The following SUN2 variants were observed in gnomAD, a reference collection of about 807,000 sequenced individuals.
The protein encoded by SUN2 is Sad1 and UNC84 domain containing 2, also known as SUN domain-containing protein 2.
Under a neutral mutation model 100.0 loss-of-function variants are expected in SUN2, and 60 were observed. That is an observed-to-expected ratio of 0.60 (90% CI 0.49 to 0.74). The LOEUF is 0.74. Among genes scored for constraint, SUN2 ranks in the 30% least tolerant of loss-of-function variants. The pLI is 0.00. For synonymous variants in SUN2, 367 were observed against 403.3 expected, an observed-to-expected ratio of 0.91 and a Z score of 1.08; for missense variants, 834 against 954.6, an observed-to-expected ratio of 0.87 and a Z score of 1.66.
In SUN2 at chr22:38,745,620, C is replaced by T; in HGVS notation, c.813+64G>A. ...GTGTGAGGCAGGCTGAGGGCGCACC[C>T]ACCACTTTCACCGTCACCTAATTAT... is the stretch of plus-strand genomic sequence containing the variant. On this transcript the variant is annotated intron_variant, in intron 8 of 17. Transcript: ENST00000689035. 3 of 1,593,032 alleles carry T rather than the reference C, an allele frequency of 1.9e-6. No individual in the cohort carries two copies. The Admixed American group carries it at 5.0e-5, about 27-fold the overall frequency.
In SUN2 at chr22:38,739,274, G is replaced by A. The variant is rs1569295492; in HGVS notation, c.1663+68C>T. ...CTTGCTCTGCCCCACCACCAACCTG[G>A]TAGATGCCAGGGGACCGGCCATTGC... is the stretch of plus-strand genomic sequence containing the variant. On this transcript the variant is annotated intron_variant, in intron 14 of 17. Coordinates refer to ENST00000689035, the MANE Select transcript of SUN2 (RefSeq NM_015374.3). The surrounding 1 kb of genome is among the most constrained non-coding windows in gnomAD (Gnocchi z 6.7). 3.2e-6 allele frequency: 5 copies of A among 1,538,474 alleles called. No individual in the cohort carries two copies. Among genetic ancestry groups the A allele is most frequent in the Non-Finnish European group, 4.5e-6 (5 of 1,112,510 alleles).
At chr22:38,745,529 T>C (rs2092896908) in intron 8 of SUN2, among the ~76,000 whole-genome samples, 155 bp downstream of exon 8, 1 of 152,220 alleles carries the variant, frequency 6.6e-6, no homozygotes, top group East Asian at 1.9e-4. Flanking sequence ...GTTGGATTCC[T>C]TTTCTTTCTG....
At chr22:38,746,332 G>A (rs1176389220) in intron 7 of SUN2, among the ~76,000 whole-genome samples, 2 of 152,144 alleles carry the variant, frequency 1.3e-5, no homozygotes, top group African/African-American at 2.4e-5. Flanking sequence ...GAGGCTGCTC[G>A]AGGCCCAGAC....
rs1249282942 is a variant in SUN2 at position 38,755,821 on chromosome 22, G to A, written c.-96C>T. ...GCGTCCGAGGCCAGGCCGCCGCCGG[G>A]GCGCGCCCCCTTTCCGCGTGGGGAT... On this transcript the variant is annotated 5_prime_UTR_variant, in exon 1 of 18. Coordinates refer to ENST00000689035, the MANE Select transcript of SUN2 (RefSeq NM_015374.3). This position sits in a 1 kb window ranked among gnomAD's most constrained non-coding sequence, Gnocchi z 5.7. 1 of 983,490 alleles carries A rather than the reference G, an allele frequency of 1.0e-6. No individual in the cohort carries two copies. Among genetic ancestry groups the A allele is most frequent in the Non-Finnish European group, 1.2e-6 (1 of 829,288 alleles). 60.9% of individuals were successfully genotyped at this position (983,490 alleles called of 1,614,324 possible). A position where few individuals can be genotyped will look rare whatever the true frequency, so the allele number is the denominator to read the frequency against.
In SUN2 at chr22:38,755,881, G is replaced by A; in HGVS notation, c.-156C>T. ...GGCGCTCCGCTCAGGGCGACACAGC[G>A]GCCGGGCCCGGGGCGCGCGGGCACG... On this transcript the variant is annotated 5_prime_UTR_variant, in exon 1 of 18. Transcript: ENST00000689035. The surrounding 1 kb of genome is among the most constrained non-coding windows in gnomAD (Gnocchi z 5.7). The A allele has an allele frequency of 1.0e-6, 1 of 982,224 alleles. No individual in the cohort carries two copies. The highest frequency in any genetic ancestry group is 1.8e-5 in the African/African-American group (1 of 56,976). The allele number at this position is 982,224 out of a possible 1,614,324, so 60.8% of individuals were successfully genotyped here.
At chr22:38,752,801 G>A (rs943659395) in intron 1 of SUN2, 136 bp from the exon 2 acceptor site, 2 of 975,164 alleles carry the variant, frequency 2.1e-6, no homozygotes, top group African/African-American at 1.7e-5. Context: ...CCGGCGTTCA[G>A]TCTAAACAGC....
In SUN2 at chr22:38,739,819, G is replaced by A; in HGVS notation, c.1481C>T (p.Thr494Ile). 1 of 1,613,624 alleles carries A rather than the reference G, an allele frequency of 6.2e-7. No homozygotes were observed. The highest frequency in any genetic ancestry group is 1.1e-5 in the South Asian group (1 of 91,088). Residue 494 changes from threonine (T) to isoleucine (I), a missense_variant, in exon 13 of 18, where the codon ACC becomes ATC. By Grantham distance (89) the Thr-to-Ile change is moderately conservative. Coordinates refer to ENST00000689035, the MANE Select transcript of SUN2 (RefSeq NM_015374.3). The surrounding 1 kb of genome is among the most constrained non-coding windows in gnomAD (Gnocchi z 6.7). ...CTTGCCCTGCATCTCTGCCACATGG[G>A]TGAGGATCTTGCTCTCCAGCTCTCG... ...QLRELESKIL[T>I]HVAEMQGKSA...
At chr22:38,752,396 A>T in intron 2 of SUN2, 111 bp downstream of exon 2, 1 of 1,397,814 alleles carries the variant, frequency 7.2e-7, no homozygotes, top group Non-Finnish European at 9.7e-7. Flanking sequence ...TTCGATTTCC[A>T]CCCAAGGTTG....
rs1432363592 is a variant in SUN2, at chr22:38,742,275, CCACCCTGAGGTATT to C, written c.1068+12_1068+25del. 21 of 1,567,548 alleles carry C rather than the reference CCACCCTGAGGTATT, an allele frequency of 1.3e-5. No homozygotes were observed. In the African/African-American group the frequency reaches 2.4e-4, roughly 18 times the overall value. On this transcript the variant is annotated intron_variant, in intron 9 of 17. Transcript: ENST00000689035. The stretch of plus-strand genomic sequence containing the variant: ...CTTTCCTATGGGTGTCACCCACCTC[CCACCCTGAGGTATT>C]CCACCTCCTACCTGGATGCGAGCAG...
chr22:38,749,799 G>A lies in SUN2; in HGVS notation c.581C>T (p.Ala194Val). Residue 194 changes from alanine to valine, a missense_variant, in exon 6 of 18, where the codon GCT becomes GTT. By Grantham distance (64) the Ala-to-Val change is moderately conservative. This residue lies in a region of SUN2 where 559 missense variants were observed against 597.7 expected (regional missense o/e 0.94). Coordinates refer to ENST00000689035, the MANE Select transcript of SUN2 (RefSeq NM_015374.3). ...AACGAAGACGTCAAGGAGGGAGGCAGCTGTGGTCAGGCGGTACCAGGTGGT... is the reference window on the plus strand; with the variant it reads ...AACGAAGACGTCAAGGAGGGAGGCAACTGTGGTCAGGCGGTACCAGGTGGT... Reference protein sequence around the residue: ...AGTTWYRLTTAASLLDVFVLT... With the variant: ...AGTTWYRLTTVASLLDVFVLT... The A allele has an allele frequency of 6.2e-7, 1 of 1,614,160 alleles. No individual in the cohort carries two copies. Among genetic ancestry groups the A allele is most frequent in the Non-Finnish European group, 8.5e-7 (1 of 1,180,036 alleles).
In SUN2 at chr22:38,738,122, G is replaced by A. The variant is rs1311666310; in HGVS notation, c.2040+51C>T. 2 of 1,529,944 alleles carry A rather than the reference G, an allele frequency of 1.3e-6. No homozygotes were observed. Among genetic ancestry groups the A allele is most frequent in the East Asian group, 4.5e-5 (2 of 44,420 alleles). The allele number at this position is 1,529,944 out of a possible 1,614,324, so 94.8% of individuals were successfully genotyped here. On this transcript the variant is annotated intron_variant, in intron 17 of 17. Transcript: ENST00000689035. This position sits in a 1 kb window ranked among gnomAD's most constrained non-coding sequence, Gnocchi z 6.6. ...GGTAAGTGCCCAGGGAGCACCTGCT[G>A]CCTGGATGGGGAGTCTGCGCCACTT...
rs1190663213 is a variant in SUN2 at position 38,737,497 on chromosome 22, C to A, written c.2040+676G>T. Among the ~76,000 whole-genome samples, 2 of 152,136 alleles carry A rather than the reference C, an allele frequency of 1.3e-5. No homozygotes were observed. Among genetic ancestry groups the A allele is most frequent in the African/African-American group, 2.4e-5 (1 of 41,436 alleles). On this transcript the variant is annotated intron_variant, in intron 17 of 17. Coordinates refer to ENST00000689035, the MANE Select transcript of SUN2 (RefSeq NM_015374.3). This position sits in a 1 kb window ranked among gnomAD's most constrained non-coding sequence, Gnocchi z 4.1. Reference sequence around the variant, plus strand: ...CTTCGAGTCATATAGTGATGTTAGTCAAATGGACATAGCTTTGTCACCTGA... The same window carrying A: ...CTTCGAGTCATATAGTGATGTTAGTAAAATGGACATAGCTTTGTCACCTGA...
intron 6 of SUN2, 104 bp from the exon 7 acceptor site, chr22:38,748,887 T>C (rs2092923612): frequency 6.8e-6 from 8 of 1,169,704 alleles, no homozygotes; most frequent in Non-Finnish European, 1.0e-5. Flanking sequence ...TCCTGGGTGC[T>C]GAACTAGAGC....
In SUN2 at chr22:38,737,078, C is replaced by T. The variant is rs949678836; in HGVS notation, c.2041-698G>A. On this transcript the variant is annotated intron_variant, in intron 17 of 17. Coordinates refer to ENST00000689035, the MANE Select transcript of SUN2 (RefSeq NM_015374.3). This position sits in a 1 kb window ranked among gnomAD's most constrained non-coding sequence, Gnocchi z 4.1. ...ACCAGCCTGGTCTTGAACTCCTGGG[C>T]TCAAGCAATCCCCTCGCCTTGGCCT... Among the ~76,000 whole-genome samples the T allele has an allele frequency of 1.3e-5, 2 of 152,202 alleles. No homozygotes were observed. Among genetic ancestry groups the T allele is most frequent in the African/African-American group, 4.8e-5 (2 of 41,434 alleles).
At position 38,734,992 on chromosome 22, in the gene SUN2, T is replaced by C; in HGVS notation, c.*1275A>G. On this transcript the variant is annotated 3_prime_UTR_variant, in exon 18 of 18. Transcript: ENST00000689035. The stretch of plus-strand genomic sequence containing the variant: ...GACCACCAGACACAGCCGGAACCAG[T>C]GCCCCAGGCCCCTCTCCACGGCCAG... The C allele has an allele frequency of 3.5e-6, 1 of 288,180 alleles. No individual in the cohort carries two copies. Among genetic ancestry groups the C allele is most frequent in the Non-Finnish European group, 6.9e-6 (1 of 145,476 alleles). 17.9% of individuals were successfully genotyped at this position (288,180 alleles called of 1,614,324 possible).
At chr22:38,743,071 T>C (rs1170440274) in intron 8 of SUN2, 1 of 152,742 alleles carries the variant, frequency 6.5e-6, no homozygotes, top group Non-Finnish European at 1.5e-5. Flanking sequence ...CCTCTTTAGC[T>C]GGATGTCCCA....
intron 2 of SUN2, 108 bp downstream of exon 2, chr22:38,752,399 C>T: frequency 1.4e-6 from 2 of 1,417,962 alleles, no homozygotes; most frequent in South Asian, 2.7e-5. Context: ...GATTTCCACC[C>T]AAGGTTGCAA....
intron 1 of SUN2, 86 bp from the exon 2 acceptor site, chr22:38,752,751 C>T (rs2092956523): frequency 1.4e-6 from 2 of 1,442,220 alleles, no homozygotes; most frequent in Admixed American, 4.4e-5. Context: ...GAGGCATCGC[C>T]TCACAGCCGA....
chr22:38,745,848 C>T (rs1485483029), intron 7 of SUN2, 37 bp from the exon 8 acceptor site: 2 of 1,607,296 alleles, frequency 1.2e-6, no homozygotes, highest in Non-Finnish European at 8.5e-7. Flanking sequence ...CCAGCTGGGC[C>T]TCCAGCAAGA....
Sources: gnomAD v4.1 joint callset for allele counts (sites outside exome capture counted in the v4.1 genomes callset) on GRCh38, gnomAD v4.1.1 for gene constraint, gnomAD v4.1.1 regional missense constraint, Gnocchi (gnomAD v3.1) non-coding constraint, MANE v1.5 for transcripts, NCBI Gene and HGNC (gene_info 2026-07-23, HGNC 2026-07-21) for gene names.